The following MYO3B variants were observed in gnomAD, a reference collection of about 807,000 sequenced individuals.
MYO3B encodes the protein myosin IIIB.
Under a neutral mutation model 174.6 loss-of-function variants are expected in MYO3B, and 156 were observed. That is an observed-to-expected ratio of 0.89 (90% CI 0.78 to 1.02). MYO3B has a LOEUF of 1.02. Ranked by LOEUF, MYO3B falls within the 50% of genes least tolerant of loss-of-function variation. The probability of loss-of-function intolerance (pLI) is 0.00; values close to 1 mark genes in which losing one functional copy is unlikely to be tolerated. For synonymous variants in MYO3B, 563 were observed against 569.1 expected, an observed-to-expected ratio of 0.99 and a Z score of 0.15; for missense variants, 1,632 against 1,639.4, an observed-to-expected ratio of 1.00 and a Z score of 0.08.
At chr2:170,384,649 A>C (rs1034452958) in intron 12 of MYO3B, among the ~76,000 whole-genome samples, 1 of 152,236 alleles carries the variant, frequency 6.6e-6, no homozygotes, top group Non-Finnish European at 1.5e-5. Context: ...AGATACTTGT[A>C]AAATGTCCAT....
chr2:170,636,136 T>C (rs1190827310), intron 32 of MYO3B, among the ~76,000 whole-genome samples: 3 of 152,210 alleles, frequency 2.0e-5, no homozygotes, highest in Non-Finnish European at 2.9e-5. Flanking sequence ...GTTACCTTAT[T>C]ATGAAGCATG....
At chr2:170,382,322 A>T (rs1168738228) in intron 10 of MYO3B, 2 of 406,340 alleles carry the variant, frequency 4.9e-6, no homozygotes, top group Non-Finnish European at 9.0e-6. Context: ...ATGAAGAGAA[A>T]AGGATTTGGA....
At chr2:170,304,969 T>C (rs997781355) in intron 7 of MYO3B, among the ~76,000 whole-genome samples, 5 of 152,082 alleles carry the variant, frequency 3.3e-5, no homozygotes, top group African/African-American at 1.2e-4. Context: ...CCTTTATGGC[T>C]TTTGAATTCT....
chr2:170,405,636 G>A lies in MYO3B; in HGVS notation c.2520+3G>A. The A allele has an allele frequency of 1.9e-6, 3 of 1,614,038 alleles. No homozygotes were observed. Among genetic ancestry groups the A allele is most frequent in the African/African-American group, 1.3e-5 (1 of 75,042 alleles). On this transcript the variant is annotated splice_donor_region_variant and intron_variant, in intron 21 of 34. Coordinates refer to ENST00000408978, the MANE Select transcript of MYO3B (RefSeq NM_138995.5). ...GCATTCAGCATTATGCTGGAAAGGT[G>A]AGGCCAGTGTGACAGTTATTAGACC...
At chr2:170,417,719 G>T (rs908847348) in intron 22 of MYO3B, among the ~76,000 whole-genome samples, 2 of 152,150 alleles carry the variant, frequency 1.3e-5, no homozygotes, top group Non-Finnish European at 2.9e-5. Context: ...CCTTCACAAG[G>T]TGTTCTCCCT....
At position 170,217,370 on chromosome 2, in the gene MYO3B, G is replaced by T; in HGVS notation, c.578G>T (p.Gly193Val). 6.2e-7 allele frequency: 1 copy of T among 1,614,066 alleles called. No homozygotes were observed. The highest frequency in any genetic ancestry group is 1.1e-5 in the South Asian group (1 of 91,072). Reference sequence around the variant, plus strand: ...CGTCTGCGGAGAAACACATCTGTTGGCACCCCGTTCTGGATGGCCCCTGAG... The same window carrying T: ...CGTCTGCGGAGAAACACATCTGTTGTCACCCCGTTCTGGATGGCCCCTGAG... ...STRLRRNTSV[G>V]TPFWMAPEVI... The change falls in exon 6 of 35, where the codon GGC (glycine) becomes GTC (valine). Residue 193 changes from glycine (G) to valine (V), a missense_variant. Gly to Val is a moderately radical substitution (Grantham distance 109, BLOSUM62 -3). Transcript: ENST00000408978.
chr2:170,263,810 G>T (rs1421813167), intron 7 of MYO3B, among the ~76,000 whole-genome samples: 1 of 151,066 alleles, frequency 6.6e-6, no homozygotes, highest in African/African-American at 2.4e-5. Flanking sequence ...TATCTCAACT[G>T]CAAAGAGGCC....
chr2:170,390,700 C>T (rs2094405761), intron 14 of MYO3B, among the ~76,000 whole-genome samples: 1 of 152,104 alleles, frequency 6.6e-6, no homozygotes, highest in African/African-American at 2.4e-5. Context: ...AGAGACTGTC[C>T]TCCTCCAGAG....
intron 32 of MYO3B, among the ~76,000 whole-genome samples, chr2:170,581,815 T>G (rs1412619370): frequency 1.3e-5 from 2 of 152,230 alleles, no homozygotes; most frequent in Non-Finnish European, 2.9e-5. Flanking sequence ...AATAATAACA[T>G]CACACTTTTG....
intron 7 of MYO3B, among the ~76,000 whole-genome samples, chr2:170,322,379 C>G (rs1015491850): frequency 6.6e-6 from 1 of 152,212 alleles, no homozygotes; most frequent in African/African-American, 2.4e-5. Context: ...TGTGTGCTTG[C>G]TCAGTTAGGC....
chr2:170,483,574 G>T (rs1038722137), intron 25 of MYO3B, among the ~76,000 whole-genome samples: 1 of 125,764 alleles, frequency 8.0e-6, no homozygotes, highest in Non-Finnish European at 1.5e-5. Context: ...TTTTAGTAGA[G>T]ACGGGGTTTC....
At chr2:170,594,550 C>A (rs1410710108) in intron 32 of MYO3B, among the ~76,000 whole-genome samples, 1 of 152,132 alleles carries the variant, frequency 6.6e-6, no homozygotes, top group Non-Finnish European at 1.5e-5. Context: ...TTTCTAATAG[C>A]AAATAGGAAT....
intron 25 of MYO3B, among the ~76,000 whole-genome samples, chr2:170,484,822 AT>A (rs1260286832): frequency 1.3e-5 from 2 of 152,206 alleles, no homozygotes; most frequent in Non-Finnish European, 2.9e-5. Context: ...AACAGGGATT[AT>A]GGTAAATATA....
intron 32 of MYO3B, among the ~76,000 whole-genome samples, chr2:170,636,400 CTTTTTTT>C (rs10712536): frequency 7.0e-6 from 1 of 143,040 alleles, no homozygotes; most frequent in Non-Finnish European, 1.5e-5. Flanking sequence ...CCATGAATTT[CTTTTTTT>C]TTTTTTTTAA....
chr2:170,231,356 C>T (rs1002415551), intron 6 of MYO3B, among the ~76,000 whole-genome samples: 10 of 152,212 alleles, frequency 6.6e-5, no homozygotes, highest in African/African-American at 2.4e-4. Context: ...GTTTCTTGTT[C>T]TCAATCTTCT....
intron 7 of MYO3B, among the ~76,000 whole-genome samples, chr2:170,322,262 C>T (rs2093834021): frequency 6.6e-6 from 1 of 152,172 alleles, no homozygotes; most frequent in African/African-American, 2.4e-5. Context: ...CTCCAGTATC[C>T]TCCTTCCTAT....
chr2:170,545,007 A>G lies in MYO3B; in HGVS notation c.3733+1019A>G, dbSNP rs148969220. Among the ~76,000 whole-genome samples, 442 of 152,306 alleles carry G rather than the reference A, an allele frequency of 2.9e-3. 3 individuals are homozygous for G. The highest frequency in any genetic ancestry group is 0.014 in the Middle Eastern group (4 of 294). On this transcript the variant is annotated intron_variant, in intron 32 of 34. Coordinates refer to ENST00000408978, the MANE Select transcript of MYO3B (RefSeq NM_138995.5). Reference sequence around the variant, plus strand: ...TTGGTTGGTACTTTTCTCTATCCAAACAGACAGTCTCTGTATTTTAATTGG... The same window carrying G: ...TTGGTTGGTACTTTTCTCTATCCAAGCAGACAGTCTCTGTATTTTAATTGG...
chr2:170,288,949 G>T (rs2093576597), intron 7 of MYO3B, among the ~76,000 whole-genome samples: 1 of 152,006 alleles, frequency 6.6e-6, no homozygotes, highest in African/African-American at 2.4e-5. Context: ...ATGTTTTTCA[G>T]CATCTATTGA....
Position 170,299,680 on chromosome 2 carries a change from C to T in MYO3B, c.750-35705C>T, listed in dbSNP as rs557026797. Among the ~76,000 whole-genome samples, 20 of 152,246 alleles carry T rather than the reference C, an allele frequency of 1.3e-4. 1 individual carries two copies. Among genetic ancestry groups the T allele is most frequent in the Middle Eastern group, 3.4e-3 (1 of 294 alleles). ...TTTTGTAACTGGCAAATGGCAGGGC[C>T]AGAATTAGAAATCGAGCAGTCTAGC... On this transcript the variant is annotated intron_variant, in intron 7 of 34. Coordinates refer to ENST00000408978, the MANE Select transcript of MYO3B (RefSeq NM_138995.5).
Sources: allele counts gnomAD v4.1 joint callset (sites outside exome capture counted in the v4.1 genomes callset), GRCh38; gene constraint gnomAD v4.1.1; transcripts MANE v1.5; gene names NCBI Gene and HGNC (gene_info 2026-07-23, HGNC 2026-07-21).